PHACTR3: variants seen among roughly 807,000 people sequenced by gnomAD.
PHACTR3 encodes protein phosphatase 1, regulatory subunit 123.
In PHACTR3, 16 loss-of-function variants were observed where a neutral mutation model predicts 66.8. That is an observed-to-expected ratio of 0.24 (90% CI 0.16 to 0.36). The LOEUF (loss-of-function observed/expected upper bound fraction) is 0.36, where lower values mean the gene tolerates loss of function less well. PHACTR3 is among the 10% of genes least tolerant of loss of function. The probability of loss-of-function intolerance (pLI) is 1.00; values close to 1 mark genes in which losing one functional copy is unlikely to be tolerated. For missense variants in PHACTR3, 647 were observed against 719.9 expected, an observed-to-expected ratio of 0.90 and a Z score of 1.16; for synonymous variants, 323 against 292.1, an observed-to-expected ratio of 1.11 and a Z score of -1.08.
chr20:59,813,532 G>A (rs1178458238), intron 8 of PHACTR3, among the ~76,000 whole-genome samples: 2 of 152,230 alleles, frequency 1.3e-5, no homozygotes, highest in Non-Finnish European at 2.9e-5. Flanking sequence ...CGTGCTAGGC[G>A]CTGGGGTGCA....
At chr20:59,810,314 G>A (rs2041698198) in intron 8 of PHACTR3, among the ~76,000 whole-genome samples, 1 of 152,220 alleles carries the variant, frequency 6.6e-6, no homozygotes, top group East Asian at 1.9e-4. Flanking sequence ...ATTACTTACT[G>A]AATCTGGAAC....
In PHACTR3 at chr20:59,650,740, C is replaced by CCA. The variant is rs776308354; in HGVS notation, c.118+45608_118+45609insCA. Among the ~76,000 whole-genome samples, 48 of 61,464 alleles carry CCA rather than the reference C, an allele frequency of 7.8e-4. 1 individual carries two copies. Among genetic ancestry groups the CCA allele is most frequent in the African/African-American group, 3.0e-3 (46 of 15,464 alleles). The allele number at this position is 61,464 out of a possible 152,430, so 40.3% of individuals were successfully genotyped here. ...GGAATGTTTTCCAATGCGTTGATAG[C>CCA]AAAAAAAAAAAAAAAAAAAAAGTCT... is the stretch of plus-strand genomic sequence containing the variant. On this transcript the variant is annotated intron_variant, in intron 1 of 12. Transcript: ENST00000371015.
intron 8 of PHACTR3, among the ~76,000 whole-genome samples, chr20:59,814,918 G>T (rs1430077842): frequency 6.6e-6 from 1 of 152,114 alleles, no homozygotes; most frequent in Non-Finnish European, 1.5e-5. Flanking sequence ...TACATCAAGG[G>T]TAAAGGGCTT....
At chr20:59,581,677 C>A (rs536686751) in intron 1 of PHACTR3, among the ~76,000 whole-genome samples, 2 of 152,050 alleles carry the variant, frequency 1.3e-5, no homozygotes, top group Non-Finnish European at 2.9e-5. Flanking sequence ...GTCAGGAGAT[C>A]GAGACCATCC....
At chr20:59,719,528 G>T (rs2038215530) in intron 1 of PHACTR3, among the ~76,000 whole-genome samples, 1 of 152,102 alleles carries the variant, frequency 6.6e-6, no homozygotes, top group South Asian at 2.1e-4. Context: ...TTTCAAATTT[G>T]CCAGAACCTG....
chr20:59,723,084 TTCTTTCTTTCTTTC>T (rs2038400161), intron 1 of PHACTR3, among the ~76,000 whole-genome samples: 1 of 148,844 alleles, frequency 6.7e-6, no homozygotes, highest in South Asian at 2.2e-4. Context: ...CTTTCTTTCT[TTCTTTCTTTCTTTC>T]TTTCTTTCTT....
chr20:59,616,308 G>A (rs902448090), intron 1 of PHACTR3, among the ~76,000 whole-genome samples: 1 of 152,150 alleles, frequency 6.6e-6, no homozygotes, highest in Non-Finnish European at 1.5e-5. Flanking sequence ...TTCACCAAAG[G>A]CCATGTCTTG....
intron 1 of PHACTR3, among the ~76,000 whole-genome samples, chr20:59,578,312 G>A (rs1366956320): frequency 2.6e-5 from 4 of 152,340 alleles, no homozygotes; most frequent in Non-Finnish European, 4.4e-5. Context: ...CAGTGGCCAT[G>A]GGTGCATGAG....
chr20:59,616,594 G>A (rs191269132), intron 1 of PHACTR3, among the ~76,000 whole-genome samples: 1 of 152,200 alleles, frequency 6.6e-6, no homozygotes, highest in African/African-American at 2.4e-5. Flanking sequence ...ACTGAGTTGG[G>A]TAAAAGACCC....
intron 1 of PHACTR3, among the ~76,000 whole-genome samples, chr20:59,595,730 G>A (rs531127271): frequency 3.3e-5 from 5 of 152,086 alleles, no homozygotes; most frequent in Non-Finnish European, 7.4e-5. Flanking sequence ...TTTCTTTGAA[G>A]TTCTGTCAAT....
At chr20:59,610,378 C>A (rs2033811157) in intron 1 of PHACTR3, among the ~76,000 whole-genome samples, 1 of 152,214 alleles carries the variant, frequency 6.6e-6, no homozygotes, top group African/African-American at 2.4e-5. Flanking sequence ...AGCATTGGAA[C>A]AACAGACATG....
At chr20:59,645,221 CTT>C (rs11470114) in intron 1 of PHACTR3, among the ~76,000 whole-genome samples, 15,287 of 120,456 alleles carry the variant, frequency 0.13, 894 homozygotes, top group South Asian at 0.22. Flanking sequence ...GTTAGCAGAT[CTT>C]TTTTTTTTTT....
intron 1 of PHACTR3, among the ~76,000 whole-genome samples, chr20:59,620,771 C>T (rs2034202322): frequency 1.3e-5 from 2 of 152,192 alleles, no homozygotes; most frequent in Admixed American, 1.3e-4. Flanking sequence ...TTTCTCATCA[C>T]ACCCTTTCCC....
Position 59,828,381 on chromosome 20 carries a change from T to TG in PHACTR3, c.1329-8122dup, listed in dbSNP as rs567836626. On this transcript the variant is annotated intron_variant, in intron 8 of 12. Coordinates refer to ENST00000371015, the MANE Select transcript of PHACTR3 (RefSeq NM_080672.5). ...GGTGATTTTTCTGTAGCGGCAGCATTGGCATTGTGTGCTGTGTCACCCAAT... is the reference window on the plus strand; with the variant it reads ...GGTGATTTTTCTGTAGCGGCAGCATTGGGCATTGTGTGCTGTGTCACCCAAT... 2.0e-5 allele frequency among the ~76,000 whole-genome samples: 3 copies of TG among 152,338 alleles called. No individual in the cohort carries two copies. The South Asian group carries it at 6.2e-4, about 32-fold the overall frequency.
chr20:59,603,602 C>T (rs1182167554), upstream of PHACTR3: 1 of 152,266 alleles, frequency 6.6e-6, no homozygotes, highest in East Asian at 1.9e-4. Context: ...GCAGGAGGAC[C>T]CTTGGTGAGC....
At chr20:59,703,441 T>C (rs1185610330) in intron 1 of PHACTR3, among the ~76,000 whole-genome samples, 1 of 152,208 alleles carries the variant, frequency 6.6e-6, no homozygotes, top group East Asian at 1.9e-4. Flanking sequence ...CTTCAGATAA[T>C]GCACAACCAG....
At chr20:59,741,753 TC>T (rs2039168889) in intron 1 of PHACTR3, among the ~76,000 whole-genome samples, 3 of 62,596 alleles carry the variant, frequency 4.8e-5, no homozygotes, top group African/African-American at 2.8e-4. Context: ...TTTCTTTCTT[TC>T]TTTTTTTTTT....
intron 3 of PHACTR3, among the ~76,000 whole-genome samples, chr20:59,751,710 C>T (rs76015881): frequency 0.022 from 3,331 of 152,180 alleles, 120 homozygotes; most frequent in African/African-American, 0.076. Context: ...ACTCTAGTCG[C>T]CAGCTTGGAC....
intron 7 of PHACTR3, among the ~76,000 whole-genome samples, chr20:59,802,504 G>A (rs941459281): frequency 1.3e-5 from 2 of 152,186 alleles, no homozygotes; most frequent in African/African-American, 2.4e-5. Flanking sequence ...CTTGAGTACA[G>A]AGTCTGGGAT....
Sources: gnomAD v4.1 joint callset for allele counts (sites outside exome capture counted in the v4.1 genomes callset) on GRCh38, gnomAD v4.1.1 for gene constraint, MANE v1.5 for transcripts, NCBI Gene and HGNC (gene_info 2026-07-23, HGNC 2026-07-21) for gene names.